The following DDX10 variants were observed in gnomAD, a reference collection of about 807,000 sequenced individuals.
DDX10 encodes the protein probable ATP-dependent RNA helicase DDX10.
DDX10 carries 74 observed loss-of-function variants against 104.3 expected under a neutral mutation model. That is an observed-to-expected ratio of 0.71 (90% confidence interval 0.59 to 0.86). DDX10 has a LOEUF of 0.86. DDX10 is among the 40% of genes least tolerant of loss of function. The pLI, the probability that DDX10 is intolerant of heterozygous loss-of-function variation, is 0.00. For synonymous variants in DDX10, 351 were observed against 353.4 expected (o/e 0.99, Z 0.08); for missense variants, 952 against 1,040.0 (o/e 0.92, Z 1.16).
Position 108,723,474 on chromosome 11 carries a change from C to T in DDX10, c.1965+12C>T. On this transcript the variant is annotated intron_variant, in intron 13 of 17. Coordinates refer to ENST00000322536, the MANE Select transcript of DDX10 (RefSeq NM_004398.4). The stretch of plus-strand genomic sequence containing the variant: ...AGAAAACATTACAGGTAAGTTTACT[C>T]CCAGTGGAGGGTCTTCTATTACATT... 6.2e-7 allele frequency: 1 copy of T among 1,601,206 alleles called. No individual in the cohort carries two copies. Among genetic ancestry groups the T allele is most frequent in the South Asian group, 1.1e-5 (1 of 88,632 alleles).
At chr11:108,682,163 G>C (rs868013156) in intron 6 of DDX10, among the ~76,000 whole-genome samples, 10 of 151,948 alleles carry the variant, frequency 6.6e-5, no homozygotes, top group African/African-American at 1.9e-4. Flanking sequence ...GGAGTGCAGT[G>C]GCATGATCTC....
intron 9 of DDX10, among the ~76,000 whole-genome samples, chr11:108,703,762 A>G (rs1233491278): frequency 6.6e-6 from 1 of 152,174 alleles, no homozygotes; most frequent in Non-Finnish European, 1.5e-5. Flanking sequence ...AAAAAAGTGA[A>G]ATGTTCTTAT....
chr11:108,905,316 G>GC (rs1179997602), intron 16 of DDX10, among the ~76,000 whole-genome samples: 4 of 149,488 alleles, frequency 2.7e-5, no homozygotes, highest in East Asian at 2.0e-4. Context: ...TGTTTAAGGG[G>GC]GGGGGGGGTT....
chr11:108,784,075 C>T (rs184813287), intron 13 of DDX10, among the ~76,000 whole-genome samples: 55 of 152,212 alleles, frequency 3.6e-4, no homozygotes, highest in African/African-American at 1.2e-3. Flanking sequence ...TAGGTTGACT[C>T]CATATTTTTA....
Position 108,665,351 on chromosome 11 carries a change from G to T in DDX10, c.186+12G>T, listed in dbSNP as rs1260616226. 6.4e-7 allele frequency: 1 copy of T among 1,558,968 alleles called. No individual in the cohort carries two copies. The highest frequency in any genetic ancestry group is 8.7e-7 in the Non-Finnish European group (1 of 1,151,512). On this transcript the variant is annotated intron_variant, in intron 1 of 17. Coordinates refer to ENST00000322536, the MANE Select transcript of DDX10 (RefSeq NM_004398.4). ...AGAACTATGAAAAGGTGAGGCCGGC[G>T]CTGGGGAGGGGGCTCGGGCCGGCCA...
At chr11:108,804,595 G>C (rs770658546) in intron 13 of DDX10, among the ~76,000 whole-genome samples, 5 of 151,444 alleles carry the variant, frequency 3.3e-5, no homozygotes, top group Non-Finnish European at 7.4e-5. Context: ...TGGATCAGAA[G>C]TCTGGGCACA....
intron 13 of DDX10, among the ~76,000 whole-genome samples, chr11:108,825,266 G>T (rs896652515): frequency 1.3e-5 from 2 of 152,158 alleles, no homozygotes; most frequent in African/African-American, 4.8e-5. Context: ...TGCATATCTG[G>T]AAAATGAGGG....
At chr11:108,686,411 C>G (rs59061105) in intron 6 of DDX10, among the ~76,000 whole-genome samples, 2,219 of 152,284 alleles carry the variant, frequency 0.015, 59 homozygotes, top group African/African-American at 0.051. Flanking sequence ...TATTCATCTC[C>G]CCTGGCAGCC....
chr11:108,857,720 C>G (rs1370092695), intron 16 of DDX10, among the ~76,000 whole-genome samples: 1 of 152,202 alleles, frequency 6.6e-6, no homozygotes, highest in Non-Finnish European at 1.5e-5. Flanking sequence ...TAACATACAG[C>G]TAGGAAATGG....
intron 13 of DDX10, among the ~76,000 whole-genome samples, chr11:108,749,837 C>G (rs1484422413): frequency 6.6e-6 from 1 of 152,056 alleles, no homozygotes; most frequent in East Asian, 1.9e-4. Context: ...TTTTAAGAAA[C>G]TTAGGTAAAA....
At chr11:108,920,218 A>G (rs923579326) in intron 17 of DDX10, 1 of 152,250 alleles carries the variant, frequency 6.6e-6, no homozygotes, top group African/African-American at 2.4e-5. Context: ...GTGATGAACA[A>G]GAAGGTAGGA....
At chr11:108,842,547 C>T (rs576180170) in intron 15 of DDX10, among the ~76,000 whole-genome samples, 77 of 152,196 alleles carry the variant, frequency 5.1e-4, no homozygotes, top group Non-Finnish European at 9.0e-4. Flanking sequence ...TTCAGAGTAG[C>T]ATTTGATGAA....
Position 108,890,603 on chromosome 11 carries a change from G to T in DDX10, c.2305-27270G>T, listed in dbSNP as rs73009480. ...AAAAAGGCCTCTACCCTGCATAGGG[G>T]TAGGTTCAGAAACCCGTGGAGAGCT... On this transcript the variant is annotated intron_variant, in intron 16 of 17. Transcript: ENST00000322536. Among the ~76,000 whole-genome samples the T allele has an allele frequency of 8.8e-3, 1,338 of 151,342 alleles. 15 individuals are homozygous for T. The highest frequency in any genetic ancestry group is 0.016 in the Non-Finnish European group (1,108 of 67,892).
At chr11:108,675,487 G>A (rs1360944412) in intron 2 of DDX10, 109 bp from the exon 3 acceptor site, 8 of 1,183,692 alleles carry the variant, frequency 6.8e-6, no homozygotes, top group South Asian at 6.1e-5. Flanking sequence ...TCTGAGGTAC[G>A]AGGCATTAGG....
At chr11:108,827,381 A>G (rs757390405) in intron 13 of DDX10, among the ~76,000 whole-genome samples, 16 of 152,214 alleles carry the variant, frequency 1.1e-4, no homozygotes, top group Non-Finnish European at 2.1e-4. Context: ...GTAACAGGCT[A>G]ATGTAATAGC....
At chr11:108,904,495 A>G (rs903706077) in intron 16 of DDX10, among the ~76,000 whole-genome samples, 1 of 152,078 alleles carries the variant, frequency 6.6e-6, no homozygotes, top group African/African-American at 2.4e-5. Context: ...TTCATTTCTG[A>G]TTTTAAATTG....
chr11:108,689,997 C>T (rs1260643676), intron 7 of DDX10, among the ~76,000 whole-genome samples: 1 of 151,760 alleles, frequency 6.6e-6, no homozygotes, highest in Non-Finnish European at 1.5e-5. Context: ...AGGAGGATTG[C>T]TTGAGTCTAG....
chr11:108,864,426 TATAGAATAG>T (rs995867582), intron 16 of DDX10, among the ~76,000 whole-genome samples: 12 of 151,076 alleles, frequency 7.9e-5, no homozygotes, highest in African/African-American at 1.9e-4. Context: ...ACTTTATATA[TATAGAATAG>T]ATAGAATAAA....
intron 15 of DDX10, 144 bp downstream of exon 15, chr11:108,841,620 C>A: frequency 1.2e-6 from 1 of 817,230 alleles, no homozygotes; most frequent in Non-Finnish European, 1.9e-6. Context: ...ACTCTTTTTT[C>A]TGTTTATTTG....
Sources: gnomAD v4.1 joint callset for allele counts (sites outside exome capture counted in the v4.1 genomes callset) on GRCh38, gnomAD v4.1.1 for gene constraint, MANE v1.5 for transcripts, NCBI Gene and HGNC (gene_info 2026-07-23, HGNC 2026-07-21) for gene names.